Variants in RB1CC1 observed in about 807,000 individuals in gnomAD.
RB1CC1 encodes RB1 inducible coiled-coil 1, also known as RB1-inducible coiled-coil protein 1.
Under a neutral mutation model 177.5 loss-of-function variants are expected in RB1CC1, and 46 were observed. The ratio of observed to expected loss-of-function variants is 0.26; its 90% CI spans 0.20 to 0.33. The LOEUF (loss-of-function observed/expected upper bound fraction) is 0.33, where lower values mean the gene tolerates loss of function less well. RB1CC1 is among the 10% of genes least tolerant of loss of function. The probability of loss-of-function intolerance (pLI) is 1.00; values close to 1 mark genes in which losing one functional copy is unlikely to be tolerated. For synonymous variants in RB1CC1, 666 were observed against 613.6 expected, an observed-to-expected ratio of 1.09 and a Z score of -1.26; for missense variants, 1,703 against 1,816.3, an observed-to-expected ratio of 0.94 and a Z score of 1.13.
intron 15 of RB1CC1, among the ~76,000 whole-genome samples, chr8:52,654,081 G>C (rs768925955): frequency 6.6e-6 from 1 of 152,206 alleles, no homozygotes; most frequent in Non-Finnish European, 1.5e-5. Context: ...CTGTCCAGAA[G>C]ACATGGAGAC....
Position 52,661,248 on chromosome 8 carries a change from T to C in RB1CC1, c.1392A>G (p.Gln464=), listed in dbSNP as rs1255500010. The C allele has an allele frequency of 1.2e-6, 2 of 1,613,672 alleles. No homozygotes were observed. Among genetic ancestry groups the C allele is most frequent in the East Asian group, 2.2e-5 (1 of 44,848 alleles). Residue 464 remains glutamine, a synonymous_variant, in exon 10 of 24, where the codon CAA becomes CAG. Coordinates refer to ENST00000025008, the MANE Select transcript of RB1CC1 (RefSeq NM_014781.5). ...GCAAAGCTTGTAACTTCTCTCCATC[T>C]TGATCAGCATGAAGCATTACAAAGC... ...WCCFVMLHAD[Q]DGEKLQALLR...
intron 7 of RB1CC1, among the ~76,000 whole-genome samples, chr8:52,668,682 T>A (rs949559163): frequency 6.6e-6 from 1 of 152,162 alleles, no homozygotes; most frequent in Admixed American, 6.5e-5. Flanking sequence ...CTGGCTCTAA[T>A]TCTACACATT....
intron 5 of RB1CC1, among the ~76,000 whole-genome samples, chr8:52,679,353 G>A (rs572133149): frequency 9.9e-5 from 15 of 152,216 alleles, no homozygotes; most frequent in African/African-American, 2.6e-4. Context: ...TCATATGTGC[G>A]GGACAGAAAG....
At chr8:52,700,195 G>C (rs1855922532) in intron 1 of RB1CC1, among the ~76,000 whole-genome samples, 3 of 152,000 alleles carry the variant, frequency 2.0e-5, no homozygotes, top group Admixed American at 6.6e-5. Flanking sequence ...AGTCTTTCAC[G>C]GTGGTAAGAC....
chr8:52,682,139 A>G (rs895611030), intron 5 of RB1CC1, among the ~76,000 whole-genome samples: 1 of 152,196 alleles, frequency 6.6e-6, no homozygotes, highest in Non-Finnish European at 1.5e-5. Flanking sequence ...GAGCTGCCCC[A>G]AGTCCATGGG....
At chr8:52,667,953 C>CATGTACACATG in intron 8 of RB1CC1, 68 bp downstream of exon 8, 2 of 1,449,992 alleles carry the variant, frequency 1.4e-6, no homozygotes, top group Non-Finnish European at 1.9e-6. Flanking sequence ...CAAATTGATA[C>CATGTACACATG]TGCATATAAA....
intron 1 of RB1CC1, among the ~76,000 whole-genome samples, chr8:52,707,993 A>G (rs1856728345): frequency 6.6e-6 from 1 of 152,226 alleles, no homozygotes. Context: ...GCAATAATGT[A>G]CTTCAGAGTC....
intron 8 of RB1CC1, among the ~76,000 whole-genome samples, chr8:52,663,756 A>G (rs1851825760): frequency 6.6e-6 from 1 of 152,172 alleles, no homozygotes; most frequent in South Asian, 2.1e-4. Context: ...GACCAGCCAA[A>G]GACTAGATAG....
intron 22 of RB1CC1, among the ~76,000 whole-genome samples, chr8:52,626,654 A>G (rs1038221985): frequency 6.6e-6 from 1 of 152,248 alleles, no homozygotes; most frequent in Non-Finnish European, 1.5e-5. Context: ...AAAAAACCCC[A>G]TAAAAGACAA....
intron 8 of RB1CC1, among the ~76,000 whole-genome samples, chr8:52,664,901 G>T (rs1215793841): frequency 6.6e-6 from 1 of 152,024 alleles, no homozygotes; most frequent in African/African-American, 2.4e-5. Context: ...ACCATCCAAT[G>T]TACCTGCCTG....
At chr8:52,680,902 G>A (rs1231487165) in intron 5 of RB1CC1, among the ~76,000 whole-genome samples, 1 of 151,908 alleles carries the variant, frequency 6.6e-6, no homozygotes, top group Non-Finnish European at 1.5e-5. Context: ...CAGGGAGGAT[G>A]AAAACTGATG....
Position 52,656,052 on chromosome 8 carries a change from C to A in RB1CC1, c.3777G>T (p.Glu1259Asp). 1.2e-6 allele frequency: 2 copies of A among 1,611,824 alleles called. No homozygotes were observed. The highest frequency in any genetic ancestry group is 1.7e-6 in the Non-Finnish European group (2 of 1,179,136). The change falls in exon 15 of 24, where the codon GAG (glutamate) becomes GAT (aspartate). Residue 1259 changes from glutamate to aspartate, a missense_variant. By Grantham distance (45) the Glu-to-Asp change is conservative. Around this residue, in one of 6 missense-constraint regions of RB1CC1, gnomAD observed 1,169 missense variants for 1,184.7 expected, o/e 0.99. Transcript: ENST00000025008. ...CAAGATGTTTAACTTTTTCTAATAA[C>A]TCTTTCTCAACAACTTCTCTCTCCA... ...FKLEREVVEK[E>D]LLEKVKHLEN...
chr8:52,691,342 T>C (rs999074400), intron 1 of RB1CC1, among the ~76,000 whole-genome samples: 1 of 152,146 alleles, frequency 6.6e-6, no homozygotes, highest in African/African-American at 2.4e-5. Flanking sequence ...CAAACACTAA[T>C]CTCTTCATTT....
At chr8:52,625,942 C>A (rs565062844) in intron 22 of RB1CC1, among the ~76,000 whole-genome samples, 1 of 152,026 alleles carries the variant, frequency 6.6e-6, no homozygotes, top group Non-Finnish European at 1.5e-5. Context: ...AAGATATACA[C>A]GAAAGATATC....
At chr8:52,637,367 TAGAA>T (rs1219808280) in intron 18 of RB1CC1, among the ~76,000 whole-genome samples, 1 of 152,176 alleles carries the variant, frequency 6.6e-6, no homozygotes, top group Non-Finnish European at 1.5e-5. Flanking sequence ...TCATTGCTAG[TAGAA>T]AGAATGACAA....
chr8:52,711,753 T>C (rs1408563571), intron 1 of RB1CC1, among the ~76,000 whole-genome samples: 4 of 152,338 alleles, frequency 2.6e-5, no homozygotes, highest in Middle Eastern at 3.4e-3. Flanking sequence ...AACCTGAATA[T>C]GTAGAGCCCC....
At chr8:52,629,666 T>C (rs949624192) in intron 21 of RB1CC1, among the ~76,000 whole-genome samples, 57 of 152,308 alleles carry the variant, frequency 3.7e-4, no homozygotes, top group African/African-American at 1.3e-3. Context: ...TACAAACTAT[T>C]ATCTGTCAAG....
At position 52,623,147 on chromosome 8, in the gene RB1CC1, T is replaced by G. The variant is rs1176592236; in HGVS notation, c.*635A>C. 1 of 154,206 alleles carries G rather than the reference T, an allele frequency of 6.5e-6. No individual in the cohort carries two copies. The highest frequency in any genetic ancestry group is 6.5e-5 in the Admixed American group (1 of 15,448). 9.6% of individuals were successfully genotyped at this position (154,206 alleles called of 1,614,324 possible). A position where few individuals can be genotyped will look rare whatever the true frequency, so the allele number is the denominator to read the frequency against. ...ATGACCAATCCACTGAAAGTGCTTT[T>G]GAAGATTGCTGATTACTTATGGCTG... is the stretch of plus-strand genomic sequence containing the variant. On this transcript the variant is annotated 3_prime_UTR_variant, in exon 24 of 24. Coordinates refer to ENST00000025008, the MANE Select transcript of RB1CC1 (RefSeq NM_014781.5).
chr8:52,688,099 A>G (rs1002002218), intron 1 of RB1CC1, among the ~76,000 whole-genome samples: 4 of 152,228 alleles, frequency 2.6e-5, no homozygotes, highest in Admixed American at 1.3e-4. Context: ...TCTTAGGACC[A>G]CTGTGATAAT....
Sources: allele counts gnomAD v4.1 joint callset (sites outside exome capture counted in the v4.1 genomes callset), GRCh38; gene constraint gnomAD v4.1.1; regional missense constraint gnomAD v4.1.1; transcripts MANE v1.5; gene names NCBI Gene and HGNC (gene_info 2026-07-23, HGNC 2026-07-21).